SCMH1: variants seen among roughly 807,000 people sequenced by gnomAD.
The protein encoded by SCMH1 is polycomb protein SCMH1.
In SCMH1, 37 loss-of-function variants were observed where a neutral mutation model predicts 70.8. The ratio of observed to expected loss-of-function variants is 0.52; its 90% CI spans 0.40 to 0.69. The LOEUF is 0.69. SCMH1 is among the 30% of genes least tolerant of loss of function. The pLI is 0.00. For missense variants in SCMH1, 607 were observed against 827.3 expected, an observed-to-expected ratio of 0.73 and a Z score of 3.27; for synonymous variants, 292 against 307.4, an observed-to-expected ratio of 0.95 and a Z score of 0.52.
intron 5 of SCMH1, 120 bp downstream of exon 5, chr1:41,151,494 A>G: frequency 3.1e-6 from 2 of 642,296 alleles, no homozygotes; most frequent in Non-Finnish European, 5.3e-6. Flanking sequence ...TTCCCATAGA[A>G]GTTTATTCTG....
intron 1 of SCMH1, among the ~76,000 whole-genome samples, chr1:41,219,677 C>A (rs1381846789): frequency 2.0e-5 from 3 of 152,310 alleles, no homozygotes; most frequent in African/African-American, 7.2e-5. Flanking sequence ...TGCCTGTAAT[C>A]CCGGCACTTT....
intron 5 of SCMH1, among the ~76,000 whole-genome samples, chr1:41,148,902 T>C (rs1273880579): frequency 6.6e-6 from 1 of 152,198 alleles, no homozygotes; most frequent in Non-Finnish European, 1.5e-5. Flanking sequence ...AAAATTCTCC[T>C]GCCTCAGCCT....
At chr1:41,112,726 T>A (rs1401727367) in intron 8 of SCMH1, among the ~76,000 whole-genome samples, 2 of 152,222 alleles carry the variant, frequency 1.3e-5, no homozygotes, top group African/African-American at 4.8e-5. Flanking sequence ...AATAACTTCA[T>A]AAAGTAGGTT....
intron 8 of SCMH1, among the ~76,000 whole-genome samples, chr1:41,090,691 T>G (rs971629740): frequency 6.6e-6 from 1 of 152,002 alleles, no homozygotes; most frequent in Non-Finnish European, 1.5e-5. Context: ...AAATTAAAAG[T>G]TAAAAAAATT....
intron 4 of SCMH1, 30 bp downstream of exon 4, chr1:41,160,845 T>C: frequency 6.5e-7 from 1 of 1,546,000 alleles, no homozygotes; most frequent in Non-Finnish European, 8.7e-7. Context: ...ATTCCCCTTA[T>C]TTAACAGAAA....
In SCMH1 at chr1:41,053,770, C is replaced by T. The variant is rs150220492; in HGVS notation, c.1106-4880G>A. On this transcript the variant is annotated intron_variant, in intron 10 of 14. Transcript: ENST00000337495. ...GGGAGCAGAAAGAAGCATAAAGGAC[C>T]ACACAGAGTGTCAGTGAAAACTGAA... Among the ~76,000 whole-genome samples the T allele has an allele frequency of 2.2e-3, 340 of 152,242 alleles. 3 individuals carry two copies. Among genetic ancestry groups the T allele is most frequent in the African/African-American group, 7.6e-3 (317 of 41,548 alleles).
At chr1:41,073,810 C>T (rs542716585) in intron 9 of SCMH1, among the ~76,000 whole-genome samples, 2 of 152,240 alleles carry the variant, frequency 1.3e-5, no homozygotes, top group African/African-American at 4.8e-5. Flanking sequence ...TGTACAAGGA[C>T]TGAAGTCAGT....
In SCMH1 at chr1:41,172,347, T is replaced by TAA. The variant is rs200324786; in HGVS notation, c.14-10917_14-10916dup. The stretch of plus-strand genomic sequence containing the variant: ...AAAGTAATCTCATTTACAATAGCTA[T>TAA]AAAAAAAAACCTACAAATAAATTTA... On this transcript the variant is annotated intron_variant, in intron 2 of 14. Transcript: ENST00000337495. 1.1e-4 allele frequency among the ~76,000 whole-genome samples: 16 copies of TAA among 150,176 alleles called. No homozygotes were observed. In the East Asian group the frequency reaches 3.1e-3, roughly 29 times the overall value.
At chr1:41,102,073 A>AATTTATC (rs1407142825) in intron 8 of SCMH1, among the ~76,000 whole-genome samples, 1 of 152,236 alleles carries the variant, frequency 6.6e-6, no homozygotes, top group African/African-American at 2.4e-5. Flanking sequence ...TGCCCAAAAG[A>AATTTATC]ATTTATCATC....
At chr1:41,231,271 A>C (rs1017188458) in intron 1 of SCMH1, among the ~76,000 whole-genome samples, 41 of 152,234 alleles carry the variant, frequency 2.7e-4, no homozygotes, top group Admixed American at 2.2e-3. Flanking sequence ...AACAAACTGC[A>C]GTTTGTCAGT....
chr1:41,131,098 C>G (rs1301742530), intron 6 of SCMH1, among the ~76,000 whole-genome samples: 1 of 152,110 alleles, frequency 6.6e-6, no homozygotes, highest in African/African-American at 2.4e-5. Context: ...GAGGTAGGGT[C>G]CAACTTCATT....
At chr1:41,088,999 A>G (rs1330135946) in intron 8 of SCMH1, among the ~76,000 whole-genome samples, 1 of 152,100 alleles carries the variant, frequency 6.6e-6, no homozygotes, top group Non-Finnish European at 1.5e-5. Context: ...TTTAGTCTGC[A>G]TGGCTTGTTA....
At chr1:41,203,117 T>C (rs1654745505) in intron 1 of SCMH1, among the ~76,000 whole-genome samples, 1 of 152,086 alleles carries the variant, frequency 6.6e-6, no homozygotes, top group Non-Finnish European at 1.5e-5. Context: ...ATAAAAATCA[T>C]TAATGAAAAT....
At chr1:41,218,535 G>T (rs1453984751) in intron 1 of SCMH1, among the ~76,000 whole-genome samples, 1 of 152,160 alleles carries the variant, frequency 6.6e-6, no homozygotes, top group Non-Finnish European at 1.5e-5. Context: ...GTCTCTGAGG[G>T]AGCATGGCCT....
chr1:41,147,159 G>A (rs1298859747), intron 5 of SCMH1, among the ~76,000 whole-genome samples: 2 of 152,068 alleles, frequency 1.3e-5, no homozygotes, highest in African/African-American at 4.8e-5. Flanking sequence ...ATGAAATAAT[G>A]GTATTGAGCA....
intron 2 of SCMH1, among the ~76,000 whole-genome samples, chr1:41,184,345 A>G (rs1310951661): frequency 6.6e-6 from 1 of 152,234 alleles, no homozygotes; most frequent in Non-Finnish European, 1.5e-5. Context: ...ATACAGGCAA[A>G]GAACTGATCA....
At chr1:41,147,492 T>C (rs1479606040) in intron 5 of SCMH1, among the ~76,000 whole-genome samples, 1 of 152,178 alleles carries the variant, frequency 6.6e-6, no homozygotes, top group Admixed American at 6.5e-5. Flanking sequence ...GAAATGCAGG[T>C]ACTTGGAAAG....
intron 10 of SCMH1, among the ~76,000 whole-genome samples, chr1:41,067,792 A>G (rs564866479): frequency 3.3e-5 from 5 of 152,314 alleles, no homozygotes; most frequent in South Asian, 2.1e-4. Context: ...CCAAATGCAA[A>G]CTATGGACAT....
At chr1:41,143,709 C>T (rs144052532) in intron 5 of SCMH1, among the ~76,000 whole-genome samples, 2 of 152,242 alleles carry the variant, frequency 1.3e-5, no homozygotes, top group Non-Finnish European at 2.9e-5. Flanking sequence ...GGCCATTATC[C>T]TCAAGCTCTC....
Sources: allele counts gnomAD v4.1 joint callset (sites outside exome capture counted in the v4.1 genomes callset), GRCh38; gene constraint gnomAD v4.1.1; transcripts MANE v1.5; gene names NCBI Gene and HGNC (gene_info 2026-07-23, HGNC 2026-07-21).